The following FSTL5 variants were observed in gnomAD, a reference collection of about 807,000 sequenced individuals.
FSTL5 encodes the protein follistatin like 5, also known as follistatin-related protein 5.
In FSTL5, 62 loss-of-function variants were observed where a neutral mutation model predicts 89.1. The observed-to-expected ratio is 0.70, with a 90% CI of 0.57 to 0.86. FSTL5 has a LOEUF of 0.86. Among genes scored for constraint, FSTL5 ranks in the 40% least tolerant of loss-of-function variants. The pLI is 0.00. For missense variants in FSTL5, 1,057 were observed against 1,001.6 expected (o/e 1.06, Z -0.75); for synonymous variants, 383 against 346.2 (o/e 1.11, Z -1.18).
intron 4 of FSTL5, among the ~76,000 whole-genome samples, chr4:161,791,915 C>A (rs1431270930): frequency 6.6e-6 from 1 of 152,190 alleles, no homozygotes. Context: ...GAGGCCGGGG[C>A]TGCGCGCTCC....
At chr4:161,582,308 C>A (rs1733463313) in intron 8 of FSTL5, among the ~76,000 whole-genome samples, 1 of 152,012 alleles carries the variant, frequency 6.6e-6, no homozygotes, top group Admixed American at 6.6e-5. Context: ...TTAACTTTTT[C>A]TAAAAGTGAA....
At chr4:161,441,346 T>G (rs1401695665) in intron 15 of FSTL5, among the ~76,000 whole-genome samples, 4 of 152,158 alleles carry the variant, frequency 2.6e-5, no homozygotes, top group Non-Finnish European at 5.9e-5. Context: ...ATAAGTATAT[T>G]TAATGTCAAC....
At chr4:161,988,979 C>A (rs10002679) in intron 3 of FSTL5, among the ~76,000 whole-genome samples, 151,987 of 152,278 alleles carry the variant, frequency 1, 75,848 homozygotes, top group Non-Finnish European at 1. Flanking sequence ...GGCAGATTGA[C>A]AAAGTGTCTG....
At chr4:161,623,536 T>C (rs1735213373) in intron 7 of FSTL5, among the ~76,000 whole-genome samples, 1 of 151,980 alleles carries the variant, frequency 6.6e-6, no homozygotes, top group South Asian at 2.1e-4. Flanking sequence ...AAAATTTTAT[T>C]ATACAATGAA....
At chr4:161,538,375 A>G in intron 9 of FSTL5, 75 bp from the exon 10 acceptor site, 1 of 1,507,674 alleles carries the variant, frequency 6.6e-7, no homozygotes, top group Middle Eastern at 1.7e-4. Context: ...TTACACAGTC[A>G]AACAGTTCTC....
chr4:161,404,660 C>A (rs559641121), intron 15 of FSTL5, among the ~76,000 whole-genome samples: 1 of 147,238 alleles, frequency 6.8e-6, no homozygotes. Flanking sequence ...AATGACAGTA[C>A]GTAACAATAA....
chr4:161,437,458 T>C (rs1226860332), intron 15 of FSTL5, among the ~76,000 whole-genome samples: 4 of 149,948 alleles, frequency 2.7e-5, no homozygotes, highest in Admixed American at 2.0e-4. Context: ...TCCCAGCTAC[T>C]CGGGAGGCTG....
At chr4:161,773,039 C>T (rs976696861) in intron 5 of FSTL5, among the ~76,000 whole-genome samples, 6 of 152,052 alleles carry the variant, frequency 3.9e-5, no homozygotes, top group Admixed American at 2.6e-4. Flanking sequence ...AGAAATAAAG[C>T]CAAATACTTA....
intron 8 of FSTL5, among the ~76,000 whole-genome samples, chr4:161,549,455 T>C (rs1732124845): frequency 6.6e-6 from 1 of 151,886 alleles, no homozygotes; most frequent in Admixed American, 6.6e-5. Context: ...AATTCCCTGA[T>C]GTAGCCGGGT....
chr4:161,931,127 C>T (rs1289766164), intron 3 of FSTL5, among the ~76,000 whole-genome samples: 3 of 151,826 alleles, frequency 2.0e-5, no homozygotes, highest in Non-Finnish European at 4.4e-5. Flanking sequence ...GTAGGTTGAT[C>T]TAATGCTGCC....
intron 6 of FSTL5, among the ~76,000 whole-genome samples, chr4:161,700,432 G>T (rs898099873): frequency 6.6e-6 from 1 of 151,588 alleles, no homozygotes; most frequent in Non-Finnish European, 1.5e-5. Flanking sequence ...AAATATCTTC[G>T]TTTTTCTAGG....
intron 4 of FSTL5, among the ~76,000 whole-genome samples, chr4:161,907,768 T>A (rs1261419914): frequency 6.6e-6 from 1 of 152,086 alleles, no homozygotes; most frequent in East Asian, 1.9e-4. Context: ...ATATGCAGTA[T>A]CTTTCAAAGC....
intron 6 of FSTL5, among the ~76,000 whole-genome samples, chr4:161,689,049 C>T (rs1053423694): frequency 1.1e-4 from 16 of 152,150 alleles, no homozygotes; most frequent in African/African-American, 3.6e-4. Flanking sequence ...GCATTTATGT[C>T]GCTATACACA....
chr4:161,974,357 C>T (rs1297378174), intron 3 of FSTL5, among the ~76,000 whole-genome samples: 1 of 151,282 alleles, frequency 6.6e-6, no homozygotes, highest in African/African-American at 2.4e-5. Flanking sequence ...AACTATACTA[C>T]AAGGCTACAG....
chr4:161,900,068 C>A (rs1192145631), intron 4 of FSTL5, among the ~76,000 whole-genome samples: 1 of 152,056 alleles, frequency 6.6e-6, no homozygotes, highest in Non-Finnish European at 1.5e-5. Flanking sequence ...GTGGCACACA[C>A]CTGTAGTCCC....
chr4:162,138,364 G>T (rs1019125735), intron 1 of FSTL5, among the ~76,000 whole-genome samples: 6 of 152,032 alleles, frequency 3.9e-5, no homozygotes, highest in Admixed American at 2.0e-4. Flanking sequence ...CAGATTAAAG[G>T]ACAGTGAATC....
intron 3 of FSTL5, among the ~76,000 whole-genome samples, chr4:162,003,037 G>A (rs888896567): frequency 2.6e-5 from 4 of 152,114 alleles, no homozygotes; most frequent in Middle Eastern, 6.8e-3. Flanking sequence ...CCAGCTACTC[G>A]GGAGGCTGAG....
chr4:161,487,553 G>A (rs1003318181), intron 12 of FSTL5, among the ~76,000 whole-genome samples: 2 of 152,034 alleles, frequency 1.3e-5, no homozygotes, highest in Non-Finnish European at 2.9e-5. Flanking sequence ...TTTGCCTGGA[G>A]GATTTCATGT....
At chr4:161,812,315 C>G (rs969168863) in intron 4 of FSTL5, among the ~76,000 whole-genome samples, 1 of 152,116 alleles carries the variant, frequency 6.6e-6, no homozygotes, top group Admixed American at 6.5e-5. Context: ...ATAGTTGAAG[C>G]CTTTCTCATT....
Sources: allele counts gnomAD v4.1 joint callset (sites outside exome capture counted in the v4.1 genomes callset), GRCh38; gene constraint gnomAD v4.1.1; transcripts MANE v1.5; gene names NCBI Gene and HGNC (gene_info 2026-07-23, HGNC 2026-07-21).